RNF8: variants seen among roughly 807,000 people sequenced by gnomAD.
RNF8 encodes the protein ring finger protein 8.
RNF8 carries 8 observed loss-of-function variants against 59.3 expected under a neutral mutation model. The observed-to-expected ratio is 0.13, with a 90% CI of 0.08 to 0.24. The LOEUF (loss-of-function observed/expected upper bound fraction) is 0.24. Among genes scored for constraint, RNF8 ranks in the 10% least tolerant of loss-of-function variants. The pLI is 1.00. For synonymous variants in RNF8, 162 were observed against 200.0 expected (o/e 0.81, Z 1.60); for missense variants, 406 against 572.6 (o/e 0.71, Z 2.97).
rs1250952077 is a variant in RNF8 at position 37,381,146 on chromosome 6, G to C, written c.1237-4G>C. Reference sequence around the variant, plus strand: ...TGATATGTGTGTCCACATTCCTACTGTAGGCTGTCACCTTGAACTGTGCCC... The same window carrying C: ...TGATATGTGTGTCCACATTCCTACTCTAGGCTGTCACCTTGAACTGTGCCC... On this transcript the variant is annotated splice_polypyrimidine_tract_variant and splice_region_variant and intron_variant, in intron 6 of 7. Coordinates refer to ENST00000373479, the MANE Select transcript of RNF8 (RefSeq NM_003958.4). 1 of 1,613,060 alleles carries C rather than the reference G, an allele frequency of 6.2e-7. No individual in the cohort carries two copies. The highest frequency in any genetic ancestry group is 1.3e-5 in the African/African-American group (1 of 74,880).
chr6:37,368,040 C>T (rs1194590440), intron 2 of RNF8, among the ~76,000 whole-genome samples: 1 of 152,144 alleles, frequency 6.6e-6, no homozygotes, highest in African/African-American at 2.4e-5. Context: ...TGCTTGCTTA[C>T]CAGTGCGTTA....
intron 3 of RNF8, 32 bp from the exon 4 acceptor site, chr6:37,371,480 G>C: frequency 6.2e-7 from 1 of 1,603,566 alleles, no homozygotes; most frequent in Non-Finnish European, 8.5e-7. Context: ...TTTCCCTGCA[G>C]AGAAACCTTC....
chr6:37,361,053 TG>T (rs1769301870), intron 2 of RNF8: 1 of 353,362 alleles, frequency 2.8e-6, no homozygotes, highest in African/African-American at 2.2e-5. Flanking sequence ...TAAATATTGG[TG>T]TTCCGAAGAT....
Position 37,368,730 on chromosome 6 carries a change from G to C in RNF8, c.487G>C (p.Gly163Arg). 1 of 1,614,156 alleles carries C rather than the reference G, an allele frequency of 6.2e-7. No homozygotes were observed. The highest frequency in any genetic ancestry group is 8.5e-7 in the Non-Finnish European group (1 of 1,180,038). ...GAAATTCAGTTTGGATGAATTAGCA[G>C]GTCCTGGAGCTGAAGGCCCCTCAAA... ...KRKFSLDELA[G>R]PGAEGPSNLK... Residue 163 changes from glycine (G) to arginine (R), a missense_variant, in exon 3 of 8, where the codon GGT (glycine) becomes CGT (arginine). Around this residue, in one of 3 missense-constraint regions of RNF8, gnomAD observed 285 missense variants for 342.0 expected, o/e 0.83. Transcript: ENST00000373479.
intron 7 of RNF8, among the ~76,000 whole-genome samples, chr6:37,387,728 T>A (rs1187917833): frequency 1.3e-5 from 2 of 152,190 alleles, no homozygotes; most frequent in African/African-American, 4.8e-5. Flanking sequence ...TCTCCCCTCA[T>A]GGAACTTTTG....
Position 37,392,892 on chromosome 6 carries a change from A to G in RNF8, c.*2134A>G. On this transcript the variant is annotated 3_prime_UTR_variant, in exon 8 of 8. Coordinates refer to ENST00000373479, the MANE Select transcript of RNF8 (RefSeq NM_003958.4). ...TGGTCTTGAAATTCTGGGCTAAAGC[A>G]ATCCTACCACCTTGGCCTCCCAAAG... 3.1e-6 allele frequency: 1 copy of G among 327,796 alleles called. No individual in the cohort carries two copies. The highest frequency in any genetic ancestry group is 4.7e-5 in the East Asian group (1 of 21,340). 20.3% of individuals were successfully genotyped at this position (327,796 alleles called of 1,614,324 possible).
intron 7 of RNF8, among the ~76,000 whole-genome samples, chr6:37,385,174 C>T (rs111778962): frequency 0.069 from 10,394 of 151,630 alleles, 1,108 homozygotes; most frequent in African/African-American, 0.23. Context: ...CCATCATGCC[C>T]GGCTAATTTT....
At chr6:37,368,088 A>G (rs1235961198) in intron 2 of RNF8, among the ~76,000 whole-genome samples, 2 of 152,214 alleles carry the variant, frequency 1.3e-5, no homozygotes, top group Non-Finnish European at 2.9e-5. Flanking sequence ...AAACTACTTC[A>G]TGGACCTCAC....
chr6:37,354,413 T>TGG (rs369525617), intron 1 of RNF8, 138 bp downstream of exon 1: 250 of 503,208 alleles, frequency 5.0e-4, no homozygotes, highest in African/African-American at 4.9e-3. Flanking sequence ...GAAGTGTCTG[T>TGG]GGGGGGGGTG....
chr6:37,354,284 GA>G lies in RNF8; in HGVS notation c.111+11del. 1 of 1,553,706 alleles carries G rather than the reference GA, an allele frequency of 6.4e-7. No individual in the cohort carries two copies. Among genetic ancestry groups the G allele is most frequent in the Non-Finnish European group, 8.7e-7 (1 of 1,153,912 alleles). ...TGGAAGATGGGTGCGAGGTACGGGG[GA>G]AGGGGTCCTGTGGAGCGGAGGGCAG... is the stretch of plus-strand genomic sequence containing the variant. On this transcript the variant is annotated intron_variant, in intron 1 of 7. Coordinates refer to ENST00000373479, the MANE Select transcript of RNF8 (RefSeq NM_003958.4).
intron 1 of RNF8, among the ~76,000 whole-genome samples, chr6:37,355,977 A>C (rs998356072): frequency 1.4e-4 from 22 of 152,250 alleles, no homozygotes; most frequent in Admixed American, 4.6e-4. Context: ...AAGATAACTC[A>C]GTGGGCAAGT....
Position 37,391,086 on chromosome 6 carries a change from C to A in RNF8, c.*328C>A. The A allele has an allele frequency of 2.0e-6, 1 of 496,880 alleles. No individual in the cohort carries two copies. Among genetic ancestry groups the A allele is most frequent in the Non-Finnish European group, 3.6e-6 (1 of 277,964 alleles). The allele number at this position is 496,880 out of a possible 1,614,324, so 30.8% of individuals were successfully genotyped here. ...TGTTGTTGTTACTGTTTTGATACCT[C>A]GGAAACACCTCCGTTGACAGTTGTT... On this transcript the variant is annotated 3_prime_UTR_variant, in exon 8 of 8. Coordinates refer to ENST00000373479, the MANE Select transcript of RNF8 (RefSeq NM_003958.4).
intron 7 of RNF8, 149 bp downstream of exon 7, chr6:37,381,503 A>G: frequency 4.3e-6 from 3 of 695,448 alleles, no homozygotes; most frequent in Non-Finnish European, 7.2e-6. Flanking sequence ...AAGGGAGTTA[A>G]AGATAATGCA....
chr6:37,365,482 T>C (rs952503314), intron 2 of RNF8, among the ~76,000 whole-genome samples: 3 of 152,242 alleles, frequency 2.0e-5, no homozygotes, highest in Admixed American at 2.0e-4. Flanking sequence ...CACTGCTCTT[T>C]GTTTTAAACC....
chr6:37,366,567 C>T (rs527716667), intron 2 of RNF8, among the ~76,000 whole-genome samples: 5 of 152,282 alleles, frequency 3.3e-5, no homozygotes, highest in South Asian at 2.1e-4. Flanking sequence ...TCTTTCTTTC[C>T]GTGTAAACCA....
chr6:37,383,904 G>T (rs1032177733), intron 7 of RNF8, among the ~76,000 whole-genome samples: 1 of 152,132 alleles, frequency 6.6e-6, no homozygotes, highest in Admixed American at 6.5e-5. Flanking sequence ...AGGTGAGAGA[G>T]CAGTCTTCTG....
chr6:37,381,234 C>T lies in RNF8; in HGVS notation c.1321C>T (p.Arg441Trp), dbSNP rs533747682. The change falls in exon 7 of 8, where the codon CGG (arginine) becomes TGG (tryptophan). Residue 441 changes from arginine to tryptophan, a missense_variant. Around this residue, in one of 3 missense-constraint regions of RNF8, gnomAD observed 59 missense variants for 118.5 expected, o/e 0.50. Coordinates refer to ENST00000373479, the MANE Select transcript of RNF8 (RefSeq NM_003958.4). ...MKRKIECPIC[R>W]KDIKSKTYSL... ...GCGGAAGATAGAATGCCCCATTTGT[C>T]GGAAGGACATTAAGTCCAAAACGTA... is the stretch of plus-strand genomic sequence containing the variant. 31 of 1,614,032 alleles carry T rather than the reference C, an allele frequency of 1.9e-5. 1 individual carries two copies. In the South Asian group the frequency reaches 2.2e-4, roughly 11 times the overall value.
intron 6 of RNF8, among the ~76,000 whole-genome samples, chr6:37,377,544 C>T (rs1770074690): frequency 1.3e-5 from 2 of 152,168 alleles, no homozygotes; most frequent in African/African-American, 4.8e-5. Context: ...TCTTCTTTCC[C>T]TTCACTGTCC....
chr6:37,362,877 A>T (rs1464442065), intron 2 of RNF8, among the ~76,000 whole-genome samples: 1 of 152,256 alleles, frequency 6.6e-6, no homozygotes, highest in Admixed American at 6.5e-5. Context: ...GGCTTAAAAT[A>T]TAGAAAAAAA....
Sources: gnomAD v4.1 joint callset for allele counts (sites outside exome capture counted in the v4.1 genomes callset) on GRCh38, gnomAD v4.1.1 for gene constraint, gnomAD v4.1.1 regional missense constraint, MANE v1.5 for transcripts, NCBI Gene and HGNC (gene_info 2026-07-23, HGNC 2026-07-21) for gene names.